CHRM3: variants seen among roughly 807,000 people sequenced by gnomAD.
CHRM3 encodes the protein cholinergic receptor muscarinic 3, also known as muscarinic acetylcholine receptor M3.
A neutral mutation model predicts 41.8 loss-of-function variants in CHRM3; 11 were observed. That is an observed-to-expected ratio of 0.26 (90% CI 0.17 to 0.44). The LOEUF (loss-of-function observed/expected upper bound fraction) is 0.44, where lower values mean the gene tolerates loss of function less well. Ranked by LOEUF, CHRM3 falls within the 20% of genes least tolerant of loss-of-function variation. The pLI, the probability that CHRM3 is intolerant of heterozygous loss-of-function variation, is 1.00. For missense variants in CHRM3, 571 were observed against 745.4 expected, an observed-to-expected ratio of 0.77 and a Z score of 2.72; for synonymous variants, 297 against 301.4, an observed-to-expected ratio of 0.99 and a Z score of 0.15.
At chr1:239,763,366 G>A (rs1048707395) in intron 5 of CHRM3, among the ~76,000 whole-genome samples, 2 of 152,166 alleles carry the variant, frequency 1.3e-5, no homozygotes, top group Non-Finnish European at 2.9e-5. Context: ...ACTTTTCAAT[G>A]TCTCATGAAT....
intron 5 of CHRM3, chr1:239,707,516 A>C (rs571855112): frequency 1.1e-4 from 16 of 152,304 alleles, no homozygotes; most frequent in African/African-American, 3.8e-4. Context: ...TAAAATATAC[A>C]CTTTCATGTG....
At chr1:239,617,642 G>A (rs1432857342) in intron 3 of CHRM3, among the ~76,000 whole-genome samples, 16 of 152,186 alleles carry the variant, frequency 1.1e-4, no homozygotes, top group Non-Finnish European at 5.9e-5. Context: ...ACTGAGGGAG[G>A]AGGATTACTT....
At chr1:239,636,492 T>G (rs1332925998) in intron 4 of CHRM3, among the ~76,000 whole-genome samples, 1 of 152,176 alleles carries the variant, frequency 6.6e-6, no homozygotes, top group Non-Finnish European at 1.5e-5. Flanking sequence ...TAGAAAAACG[T>G]CTTATCTGTC....
chr1:239,684,301 T>A (rs1658858353), intron 5 of CHRM3, among the ~76,000 whole-genome samples: 1 of 151,972 alleles, frequency 6.6e-6, no homozygotes. Flanking sequence ...CACAGGACAG[T>A]CCCCCACAAC....
intron 3 of CHRM3, among the ~76,000 whole-genome samples, chr1:239,557,642 C>T (rs2148474277): frequency 6.6e-6 from 1 of 152,276 alleles, no homozygotes; most frequent in East Asian, 1.9e-4. Context: ...CACCGCTCCA[C>T]CGTCCCCCAA....
intron 1 of CHRM3, among the ~76,000 whole-genome samples, chr1:239,396,331 G>A (rs4394643): frequency 0.78 from 118,709 of 151,962 alleles, 48,733 homozygotes; most frequent in Non-Finnish European, 0.91. Flanking sequence ...GTGCACATTC[G>A]CATATAAAAT....
chr1:239,457,188 G>A (rs1665011497), intron 1 of CHRM3, among the ~76,000 whole-genome samples: 1 of 152,106 alleles, frequency 6.6e-6, no homozygotes, highest in South Asian at 2.1e-4. Context: ...CCATAGGCAG[G>A]TTACTTAACT....
chr1:239,823,280 C>G (rs1315910005), intron 5 of CHRM3, among the ~76,000 whole-genome samples: 1 of 152,162 alleles, frequency 6.6e-6, no homozygotes, highest in African/African-American at 2.4e-5. Context: ...TCATATTCAA[C>G]TGGGAATATT....
chr1:239,848,889 G>C (rs1674483982), intron 6 of CHRM3, among the ~76,000 whole-genome samples: 2 of 152,134 alleles, frequency 1.3e-5, no homozygotes, highest in South Asian at 4.1e-4. Flanking sequence ...CATGAATACA[G>C]TTTTGAACAT....
At chr1:239,420,714 C>T (rs539636423) in intron 1 of CHRM3, among the ~76,000 whole-genome samples, 2 of 151,980 alleles carry the variant, frequency 1.3e-5, no homozygotes, top group Non-Finnish European at 2.9e-5. Context: ...GAGAACTATG[C>T]CTGCTTTCCC....
Position 239,545,623 on chromosome 1 carries a change from C to G in CHRM3, c.-421-18C>G, listed in dbSNP as rs1659216245. ...CATCCTTACTGACCGATTTTTTCATCTTTTTGTGTCTGTTTAGATATGAAC... is the reference window on the plus strand; with the variant it reads ...CATCCTTACTGACCGATTTTTTCATGTTTTTGTGTCTGTTTAGATATGAAC... On this transcript the variant is annotated intron_variant, in intron 2 of 6. Coordinates refer to ENST00000676153, the MANE Select transcript of CHRM3 (RefSeq NM_001375978.1). 6.6e-6 allele frequency: 1 copy of G among 151,966 alleles called. No homozygotes were observed. The highest frequency in any genetic ancestry group is 6.6e-5 in the Admixed American group (1 of 15,252). 9.4% of individuals were successfully genotyped at this position (151,966 alleles called of 1,614,324 possible).
chr1:239,823,538 C>T (rs1253822329), intron 5 of CHRM3, among the ~76,000 whole-genome samples: 3 of 152,052 alleles, frequency 2.0e-5, no homozygotes, highest in Non-Finnish European at 2.9e-5. Context: ...GCCTGATCCC[C>T]GCCCTCTCAG....
At chr1:239,780,462 A>G (rs1578178) in intron 5 of CHRM3, among the ~76,000 whole-genome samples, 128,382 of 152,162 alleles carry the variant, frequency 0.84, 54,324 homozygotes, top group East Asian at 0.87. Context: ...CCATTTTTTA[A>G]TCAGGTGGTT....
chr1:239,788,000 G>A (rs369288032), intron 5 of CHRM3, among the ~76,000 whole-genome samples: 2 of 152,308 alleles, frequency 1.3e-5, no homozygotes, highest in Admixed American at 1.3e-4. Context: ...CACTTTGGGA[G>A]GCCAAGGCAG....
intron 3 of CHRM3, among the ~76,000 whole-genome samples, chr1:239,577,471 G>A (rs956746482): frequency 1.3e-5 from 2 of 152,160 alleles, no homozygotes; most frequent in African/African-American, 2.4e-5. Flanking sequence ...AATATATAAA[G>A]TGTGGTCGGG....
At chr1:239,817,687 G>C (rs1671701115) in intron 5 of CHRM3, among the ~76,000 whole-genome samples, 1 of 151,446 alleles carries the variant, frequency 6.6e-6, no homozygotes, top group African/African-American at 2.4e-5. Flanking sequence ...AAAACTCACA[G>C]TGCTCCCTCT....
chr1:239,684,175 T>C (rs921990366), intron 5 of CHRM3, among the ~76,000 whole-genome samples: 1 of 152,082 alleles, frequency 6.6e-6, no homozygotes, highest in Non-Finnish European at 1.5e-5. Context: ...CACAGAACAA[T>C]TAAGTAAGTT....
intron 5 of CHRM3, among the ~76,000 whole-genome samples, chr1:239,760,971 C>A (rs1394635463): frequency 1.2e-5 from 1 of 81,874 alleles, no homozygotes; most frequent in East Asian, 3.5e-4. Flanking sequence ...CTGTTTTCCT[C>A]TCCCCTCGCC....
intron 5 of CHRM3, among the ~76,000 whole-genome samples, chr1:239,805,288 GAT>G (rs1670541909): frequency 6.6e-6 from 1 of 152,168 alleles, no homozygotes; most frequent in African/African-American, 2.4e-5. Context: ...ACCTAAGAGG[GAT>G]ATGTTTTGCT....
Sources: allele counts gnomAD v4.1 joint callset (sites outside exome capture counted in the v4.1 genomes callset), GRCh38; gene constraint gnomAD v4.1.1; transcripts MANE v1.5; gene names NCBI Gene and HGNC (gene_info 2026-07-23, HGNC 2026-07-21).